MXI1: variants seen among roughly 807,000 people sequenced by gnomAD.
The protein encoded by MXI1 is max-interacting protein 1.
A neutral mutation model predicts 36.9 loss-of-function variants in MXI1; 18 were observed. The observed-to-expected ratio is 0.49, with a 90% CI of 0.34 to 0.72. The LOEUF is 0.72. Ranked by LOEUF, MXI1 falls within the 30% of genes least tolerant of loss-of-function variation. MXI1 has a pLI of 0.01. For synonymous variants in MXI1, 160 were observed against 146.7 expected, an observed-to-expected ratio of 1.09 and a Z score of -0.65; for missense variants, 304 against 379.1, an observed-to-expected ratio of 0.80 and a Z score of 1.64.
intron 3 of MXI1, among the ~76,000 whole-genome samples, chr10:110,275,714 G>A (rs1857003407): frequency 2.6e-5 from 4 of 152,100 alleles, no homozygotes; most frequent in African/African-American, 9.7e-5. Flanking sequence ...CCAAATGCCT[G>A]TTTCATTTAA....
intron 1 of MXI1, among the ~76,000 whole-genome samples, chr10:110,216,366 C>G (rs1854635460): frequency 6.6e-6 from 1 of 152,134 alleles, no homozygotes; most frequent in Non-Finnish European, 1.5e-5. Context: ...GGAGTACATA[C>G]TTGCTTAATG....
At chr10:110,209,665 G>T (rs138588793) in intron 1 of MXI1, among the ~76,000 whole-genome samples, 179 of 152,362 alleles carry the variant, frequency 1.2e-3, no homozygotes, top group African/African-American at 4.2e-3. Flanking sequence ...GTCGGAGGGG[G>T]ATGGGGCGCG....
intron 1 of MXI1, among the ~76,000 whole-genome samples, chr10:110,224,933 C>A (rs935594478): frequency 6.6e-6 from 1 of 152,218 alleles, no homozygotes; most frequent in Non-Finnish European, 1.5e-5. Flanking sequence ...CAGGCGTGAG[C>A]CACTGTGCCC....
At chr10:110,279,657 A>C (rs1271911730) in intron 4 of MXI1, among the ~76,000 whole-genome samples, 1 of 152,260 alleles carries the variant, frequency 6.6e-6, no homozygotes, top group Non-Finnish European at 1.5e-5. Context: ...ATTACTTTAC[A>C]GACTTTTAGA....
intron 3 of MXI1, among the ~76,000 whole-genome samples, chr10:110,268,088 T>C (rs1413695559): frequency 6.6e-6 from 1 of 152,226 alleles, no homozygotes; most frequent in African/African-American, 2.4e-5. Context: ...GCTGTTGGAA[T>C]ATACTTAGGC....
chr10:110,235,483 C>G (rs925000439), intron 2 of MXI1, among the ~76,000 whole-genome samples: 1 of 151,948 alleles, frequency 6.6e-6, no homozygotes, highest in East Asian at 1.9e-4. Context: ...GTCAGGAGAT[C>G]GAGACCATCC....
chr10:110,220,695 A>G lies in MXI1; in HGVS notation c.275-7494A>G, dbSNP rs903778377. 2.6e-5 allele frequency among the ~76,000 whole-genome samples: 4 copies of G among 152,242 alleles called. No homozygotes were observed. The East Asian group carries it at 5.8e-4, about 22-fold the overall frequency. ...GGAGAAGGCCTTAAAAACAAGTTAC[A>G]TCTAACTTTGAAAGAACAGACTATT... On this transcript the variant is annotated intron_variant, in intron 1 of 5. Transcript: ENST00000332674.
At chr10:110,222,258 A>G (rs1854835696) in intron 1 of MXI1, among the ~76,000 whole-genome samples, 1 of 152,194 alleles carries the variant, frequency 6.6e-6, no homozygotes, top group African/African-American at 2.4e-5. Context: ...CCATCCTTAA[A>G]GATAATTGCA....
At position 110,207,752 on chromosome 10, in the gene MXI1, C is replaced by T. The variant is rs1854398412; in HGVS notation, c.-57C>T. 2.7e-6 allele frequency: 3 copies of T among 1,102,430 alleles called. No individual in the cohort carries two copies. Among genetic ancestry groups the T allele is most frequent in the Middle Eastern group, 4.0e-4 (1 of 2,518 alleles). The allele number at this position is 1,102,430 out of a possible 1,614,324, so 68.3% of individuals were successfully genotyped here. A position where few individuals can be genotyped will look rare whatever the true frequency, so the allele number is the denominator to read the frequency against. On this transcript the variant is annotated 5_prime_UTR_variant, in exon 1 of 6. Transcript: ENST00000332674. ...GCCGGGTCTCCCTGGGGGCCCGGAG[C>T]TCGGCCGGGCCGCGCAGCCCCGTTA...
At chr10:110,230,370 C>G (rs371495686) in intron 2 of MXI1, among the ~76,000 whole-genome samples, 5 of 152,064 alleles carry the variant, frequency 3.3e-5, no homozygotes, top group African/African-American at 1.2e-4. Context: ...CATAGCATGT[C>G]GGAAAATTTG....
intron 1 of MXI1, among the ~76,000 whole-genome samples, chr10:110,213,200 G>C (rs150045006): frequency 6.6e-5 from 10 of 152,318 alleles, no homozygotes; most frequent in Non-Finnish European, 1.2e-4. Context: ...GTGAACAGCT[G>C]TGACCCTGAG....
chr10:110,229,925 A>G (rs1020763388), intron 2 of MXI1, among the ~76,000 whole-genome samples: 1 of 152,180 alleles, frequency 6.6e-6, no homozygotes, highest in Non-Finnish European at 1.5e-5. Context: ...TCGTGCTGCA[A>G]GTATTTAAGC....
At chr10:110,263,795 C>T (rs1002394731) in intron 3 of MXI1, among the ~76,000 whole-genome samples, 2 of 152,226 alleles carry the variant, frequency 1.3e-5, no homozygotes, top group Non-Finnish European at 2.9e-5. Context: ...CTTCTCACAG[C>T]TATTTAATTT....
intron 2 of MXI1, among the ~76,000 whole-genome samples, chr10:110,235,983 G>A (rs551442485): frequency 6.6e-6 from 1 of 151,992 alleles, no homozygotes; most frequent in Middle Eastern, 3.4e-3. Flanking sequence ...CTCCAGCCTG[G>A]GCAACAGAGT....
chr10:110,247,998 T>C (rs1855935343), intron 3 of MXI1, among the ~76,000 whole-genome samples: 1 of 152,134 alleles, frequency 6.6e-6, no homozygotes, highest in Non-Finnish European at 1.5e-5. Context: ...ATATACACCA[T>C]GGAATACTAT....
At chr10:110,209,819 C>G (rs896499002) in intron 1 of MXI1, among the ~76,000 whole-genome samples, 1 of 152,142 alleles carries the variant, frequency 6.6e-6, no homozygotes, top group African/African-American at 2.4e-5. Flanking sequence ...CCCCCATCCC[C>G]GGCTACCAGT....
Position 110,208,049 on chromosome 10 carries a change from A to G in MXI1, c.241A>G (p.Ser81Gly), listed in dbSNP as rs1162687456. 1.9e-6 allele frequency: 3 copies of G among 1,600,816 alleles called. No homozygotes were observed. The highest frequency in any genetic ancestry group is 8.5e-7 in the Non-Finnish European group (1 of 1,173,670). The change falls in exon 1 of 6, where the codon AGC (serine) becomes GGC (glycine). Residue 81 changes from serine to glycine, a missense_variant. By Grantham distance (56) the Ser-to-Gly change is moderately conservative. Coordinates refer to ENST00000332674, the MANE Select transcript of MXI1 (RefSeq NM_130439.3). Reference protein sequence around the residue: ...QNVQILLEAASYLEQIEKENK... With the variant: ...QNVQILLEAAGYLEQIEKENK... ...CGTGCAGATTCTGCTCGAGGCCGCCAGCTACCTGGAGCAGATCGAGAAAGA... is the reference window on the plus strand; with the variant it reads ...CGTGCAGATTCTGCTCGAGGCCGCCGGCTACCTGGAGCAGATCGAGAAAGA...
rs559084901 is a variant in MXI1, at chr10:110,210,291, G to T, written c.274+2209G>T. The T allele has an allele frequency of 6.2e-5, 61 of 985,012 alleles. No homozygotes were observed. In the African/African-American group the frequency reaches 1.0e-3, roughly 16 times the overall value. The allele number at this position is 985,012 out of a possible 1,614,324, so 61.0% of individuals were successfully genotyped here. A position where few individuals can be genotyped will look rare whatever the true frequency, so the allele number is the denominator to read the frequency against. On this transcript the variant is annotated intron_variant, in intron 1 of 5. Coordinates refer to ENST00000332674, the MANE Select transcript of MXI1 (RefSeq NM_130439.3). ...CCCCCGAGAGGGGTTTGGAACCTTA[G>T]CACCCAAGTCTAAGTCAACTTCATG...
intron 1 of MXI1, 35 bp downstream of exon 1, chr10:110,208,117 CG>C: frequency 6.4e-7 from 1 of 1,558,052 alleles, no homozygotes; most frequent in African/African-American, 1.4e-5. Flanking sequence ...CCTCGGCGCC[CG>C]GTTCTTTCTT....
Sources: gnomAD v4.1 joint callset for allele counts (sites outside exome capture counted in the v4.1 genomes callset) on GRCh38, gnomAD v4.1.1 for gene constraint, MANE v1.5 for transcripts, NCBI Gene and HGNC (gene_info 2026-07-23, HGNC 2026-07-21) for gene names.